TTLL5: variants seen among roughly 807,000 people sequenced by gnomAD.
The protein encoded by TTLL5 is tubulin tyrosine ligase like 5, also known as tubulin polyglutamylase TTLL5.
A neutral mutation model predicts 168.4 loss-of-function variants in TTLL5; 132 were observed. The observed-to-expected ratio is 0.78, with a 90% CI of 0.68 to 0.91. TTLL5 has a LOEUF of 0.91. Ranked by LOEUF, TTLL5 falls within the 40% of genes least tolerant of loss-of-function variation. TTLL5 has a pLI of 0.00. For missense variants in TTLL5, 1,545 were observed against 1,581.5 expected (o/e 0.98, Z 0.39); for synonymous variants, 546 against 558.6 (o/e 0.98, Z 0.32).
chr14:75,759,187 A>G (rs1170958711), intron 18 of TTLL5, among the ~76,000 whole-genome samples: 1 of 152,174 alleles, frequency 6.6e-6, no homozygotes, highest in Non-Finnish European at 1.5e-5. Context: ...TATAGATTCA[A>G]CAGACATAAA....
At chr14:75,776,589 T>C in intron 22 of TTLL5, 158 bp from the exon 23 acceptor site, 1 of 481,380 alleles carries the variant, frequency 2.1e-6, no homozygotes, top group South Asian at 4.5e-5. Flanking sequence ...AAAAGTAATA[T>C]GTCAAATTTA....
chr14:75,785,521 T>G (rs985879576), intron 26 of TTLL5, among the ~76,000 whole-genome samples: 1 of 152,188 alleles, frequency 6.6e-6, no homozygotes, highest in Non-Finnish European at 1.5e-5. Context: ...TTAGGTCTTT[T>G]GTCCATTTTC....
intron 31 of TTLL5, among the ~76,000 whole-genome samples, chr14:75,926,037 G>C (rs535603779): frequency 5.4e-5 from 8 of 149,112 alleles, no homozygotes; most frequent in African/African-American, 1.3e-4. Context: ...GAGGGAGACC[G>C]GGGAAAGAGA....
intron 30 of TTLL5, among the ~76,000 whole-genome samples, chr14:75,890,359 A>C (rs1431202040): frequency 3.3e-5 from 5 of 152,234 alleles, no homozygotes; most frequent in Admixed American, 3.3e-4. Flanking sequence ...TCAAAACCTT[A>C]TTTAGTTTGG....
intron 26 of TTLL5, among the ~76,000 whole-genome samples, chr14:75,787,057 C>T (rs773404272): frequency 1.3e-5 from 2 of 151,958 alleles, no homozygotes; most frequent in African/African-American, 4.8e-5. Flanking sequence ...TGCTTGAACC[C>T]GGGAGGCAGA....
At position 75,766,032 on chromosome 14, in the gene TTLL5, T is replaced by G. The variant is rs746072824; in HGVS notation, c.1709-30T>G. On this transcript the variant is annotated intron_variant, in intron 19 of 31. Transcript: ENST00000298832. Reference sequence around the variant, plus strand: ...GAGAGAGGAACATTTAATCCTTTTTTCAGCAACATTAGTGATTCTTCGTAT... The same window carrying G: ...GAGAGAGGAACATTTAATCCTTTTTGCAGCAACATTAGTGATTCTTCGTAT... 2.5e-6 allele frequency: 4 copies of G among 1,574,094 alleles called. No individual in the cohort carries two copies. In the Admixed American group the frequency reaches 7.4e-5, roughly 29 times the overall value.
intron 31 of TTLL5, among the ~76,000 whole-genome samples, chr14:75,948,951 C>T (rs1162514175): frequency 6.6e-6 from 1 of 152,058 alleles, no homozygotes; most frequent in African/African-American, 2.4e-5. Context: ...AAAAATCTTC[C>T]CACAAGTTAA....
intron 28 of TTLL5, chr14:75,835,350 C>G (rs930024271): frequency 6.6e-6 from 1 of 152,242 alleles, no homozygotes; most frequent in African/African-American, 2.4e-5. Context: ...ACTCCTCATT[C>G]AGTCATCCTT....
chr14:75,725,602 G>A (rs914001079), intron 12 of TTLL5, among the ~76,000 whole-genome samples: 1 of 152,178 alleles, frequency 6.6e-6, no homozygotes, highest in Admixed American at 6.5e-5. Flanking sequence ...AAATTTGGGA[G>A]CCAGTTCTCT....
At chr14:75,901,796 T>C (rs1323685489) in intron 30 of TTLL5, among the ~76,000 whole-genome samples, 3 of 152,264 alleles carry the variant, frequency 2.0e-5, no homozygotes, top group Non-Finnish European at 2.9e-5. Context: ...GCCAGAAATA[T>C]AATTTTTTCC....
chr14:75,867,616 C>T (rs1195081718), intron 29 of TTLL5, among the ~76,000 whole-genome samples: 3 of 152,002 alleles, frequency 2.0e-5, no homozygotes, highest in Non-Finnish European at 2.9e-5. Flanking sequence ...AAAAATTAGC[C>T]GGGCGTGGTG....
Position 75,857,707 on chromosome 14 carries a change from A to G in TTLL5, c.3327-5960A>G, listed in dbSNP as rs1595159361. On this transcript the variant is annotated intron_variant, in intron 28 of 31. Coordinates refer to ENST00000298832, the MANE Select transcript of TTLL5 (RefSeq NM_015072.5). Reference sequence around the variant, plus strand: ...CACTCTGTCGCCCAGGCTGGAGTACAGTGGCACAATCTCCGCTCACTGCAA... The same window carrying G: ...CACTCTGTCGCCCAGGCTGGAGTACGGTGGCACAATCTCCGCTCACTGCAA... Among the ~76,000 whole-genome samples, 4 of 151,024 alleles carry G rather than the reference A, an allele frequency of 2.6e-5. No homozygotes were observed. In the Admixed American group the frequency reaches 2.6e-4, roughly 10 times the overall value.
Position 75,791,643 on chromosome 14 carries a change from T to C in TTLL5, c.2987-1273T>C, listed in dbSNP as rs148200636. ...TATTGTTGATAATGTAATTCCTGGG[T>C]TGGGTAGTGAGTTCACAGGTGTTCA... On this transcript the variant is annotated intron_variant, in intron 26 of 31. Coordinates refer to ENST00000298832, the MANE Select transcript of TTLL5 (RefSeq NM_015072.5). 1.1e-3 allele frequency among the ~76,000 whole-genome samples: 160 copies of C among 152,166 alleles called. 1 individual carries two copies. Among genetic ancestry groups the C allele is most frequent in the African/African-American group, 3.6e-3 (149 of 41,518 alleles).
At chr14:75,804,280 A>C (rs186341966) in intron 27 of TTLL5, among the ~76,000 whole-genome samples, 4 of 152,354 alleles carry the variant, frequency 2.6e-5, no homozygotes, top group Admixed American at 2.6e-4. Flanking sequence ...AGGTACATAA[A>C]GCTTGATTCA....
chr14:75,740,838 C>G (rs1889216755), intron 15 of TTLL5, among the ~76,000 whole-genome samples: 1 of 152,036 alleles, frequency 6.6e-6, no homozygotes, highest in Non-Finnish European at 1.5e-5. Flanking sequence ...TTTCTAGTTC[C>G]TTTGCTTTTA....
At chr14:75,920,847 T>A (rs1036150672) in intron 31 of TTLL5, among the ~76,000 whole-genome samples, 1 of 152,260 alleles carries the variant, frequency 6.6e-6, no homozygotes, top group Non-Finnish European at 1.5e-5. Flanking sequence ...AACAACAGTG[T>A]AAAAGCGTTC....
rs373205586 is a variant in TTLL5, at chr14:75,886,620, T to A, written c.3740+3718T>A. 2.9e-4 allele frequency: 297 copies of A among 1,030,892 alleles called. 1 individual carries two copies. The highest frequency in any genetic ancestry group is 1.6e-3 in the African/African-American group (95 of 60,880). 63.9% of individuals were successfully genotyped at this position (1,030,892 alleles called of 1,614,324 possible). Reference sequence around the variant, plus strand: ...GTTCTGTGAAGGGAATGATTTAAAATTTTTTTTTTTACCATTTTCCTGGTG... The same window carrying A: ...GTTCTGTGAAGGGAATGATTTAAAAATTTTTTTTTTACCATTTTCCTGGTG... On this transcript the variant is annotated intron_variant, in intron 30 of 31. Coordinates refer to ENST00000298832, the MANE Select transcript of TTLL5 (RefSeq NM_015072.5).
chr14:75,683,892 G>C (rs373724994), intron 5 of TTLL5: 2 of 363,984 alleles, frequency 5.5e-6, no homozygotes, highest in Admixed American at 4.0e-5. Context: ...TCCTGCCTCA[G>C]CCTACCCAGT....
intron 31 of TTLL5, among the ~76,000 whole-genome samples, chr14:75,943,162 C>T (rs897397758): frequency 2.0e-5 from 3 of 152,080 alleles, no homozygotes; most frequent in African/African-American, 7.3e-5. Flanking sequence ...GCAGTAACAT[C>T]GTTGTTCTGT....
Sources: gnomAD v4.1 joint callset for allele counts (sites outside exome capture counted in the v4.1 genomes callset) on GRCh38, gnomAD v4.1.1 for gene constraint, MANE v1.5 for transcripts, NCBI Gene and HGNC (gene_info 2026-07-23, HGNC 2026-07-21) for gene names.